Variants in ZC2HC1B observed in about 807,000 individuals in gnomAD.
ZC2HC1B encodes the protein zinc finger C2HC-type containing 1B, also known as zinc finger C2HC domain-containing protein 1B.
Under a neutral mutation model 31.0 loss-of-function variants are expected in ZC2HC1B, and 36 were observed. The observed-to-expected ratio is 1.16, with a 90% CI of 0.89 to 1.54. The LOEUF (loss-of-function observed/expected upper bound fraction) is 1.54. ZC2HC1B is among the 40% of genes most tolerant of loss of function. The probability of loss-of-function intolerance (pLI) is 0.00; values close to 1 mark genes in which losing one functional copy is unlikely to be tolerated. For synonymous variants in ZC2HC1B, 73 were observed against 88.0 expected (o/e 0.83, Z 0.95); for missense variants, 260 against 268.6 (o/e 0.97, Z 0.22).
chr6:143,866,378 T>C (rs895341230), intron 1 of ZC2HC1B, among the ~76,000 whole-genome samples: 2 of 152,226 alleles, frequency 1.3e-5, no homozygotes, highest in Non-Finnish European at 2.9e-5. Flanking sequence ...CGCTGTAGAG[T>C]TATCAATTTG....
intron 6 of ZC2HC1B, among the ~76,000 whole-genome samples, chr6:143,928,020 T>C (rs1778071938): frequency 1.3e-5 from 2 of 152,238 alleles, no homozygotes; most frequent in African/African-American, 4.8e-5. Context: ...AGATTCCAGA[T>C]ATTAGTCCCT....
rs970349719 is a variant in ZC2HC1B, at chr6:143,877,526, G to A, written c.29-6778G>A. ...TCAAACTACCAACCTCGGGTGATCC[G>A]CCCGCCTCTGCCTCCCAAAGTGCTG... On this transcript the variant is annotated intron_variant, in intron 1 of 7. Coordinates refer to ENST00000237275, the MANE Select transcript of ZC2HC1B (RefSeq NM_001013623.3). Among the ~76,000 whole-genome samples the A allele has an allele frequency of 1.4e-4, 21 of 149,408 alleles. 1 individual carries two copies. Among genetic ancestry groups the A allele is most frequent in the Admixed American group, 7.3e-4 (11 of 15,154 alleles).
intron 6 of ZC2HC1B, among the ~76,000 whole-genome samples, chr6:143,914,630 G>T (rs2128496317): frequency 6.6e-6 from 1 of 152,152 alleles, no homozygotes; most frequent in Admixed American, 6.6e-5. Context: ...TCTTTATCTG[G>T]TTGGTGTTGA....
Position 143,895,487 on chromosome 6 carries a change from T to A in ZC2HC1B, c.350-3065T>A, listed in dbSNP as rs183160965. 1.3e-5 allele frequency among the ~76,000 whole-genome samples: 2 copies of A among 152,326 alleles called. No individual in the cohort carries two copies. Among genetic ancestry groups the A allele is most frequent in the African/African-American group, 4.8e-5 (2 of 41,570 alleles). ...CAGTACTAAAGAATTTATATACATA[T>A]AACTAGAGTTATATATAACATGGCC... On this transcript the variant is annotated intron_variant, in intron 4 of 7. Coordinates refer to ENST00000237275, the MANE Select transcript of ZC2HC1B (RefSeq NM_001013623.3). The surrounding 1 kb of genome is among the most constrained non-coding windows in gnomAD (Gnocchi z 4.8).
chr6:143,892,055 T>C (rs1777608116), intron 4 of ZC2HC1B, among the ~76,000 whole-genome samples: 1 of 152,202 alleles, frequency 6.6e-6, no homozygotes, highest in Non-Finnish European at 1.5e-5. Context: ...TCTTATACCA[T>C]TGTCTTAATC....
At chr6:143,875,489 A>G (rs1177045833) in intron 1 of ZC2HC1B, among the ~76,000 whole-genome samples, 1 of 150,746 alleles carries the variant, frequency 6.6e-6, no homozygotes, top group Non-Finnish European at 1.5e-5. Context: ...CTGAGCTGCA[A>G]CAGTAAATGC....
At chr6:143,876,714 GC>G (rs1777411920) in intron 1 of ZC2HC1B, among the ~76,000 whole-genome samples, 1 of 150,642 alleles carries the variant, frequency 6.6e-6, no homozygotes, top group African/African-American at 2.5e-5. Flanking sequence ...AAGCTGAGGA[GC>G]AAGGAGAGCC....
In ZC2HC1B at chr6:143,865,337, C is replaced by T. The variant is rs1199817315; in HGVS notation, c.28+770C>T. 3.9e-5 allele frequency among the ~76,000 whole-genome samples: 6 copies of T among 152,176 alleles called. No individual in the cohort carries two copies. The highest frequency in any genetic ancestry group is 7.3e-5 in the Non-Finnish European group (5 of 68,034). ...AGCGAAATGTAACTGGCAATACTATCGTGGTAAGTACCACTTGTAATTAGA... is the reference window on the plus strand; with the variant it reads ...AGCGAAATGTAACTGGCAATACTATTGTGGTAAGTACCACTTGTAATTAGA... On this transcript the variant is annotated intron_variant, in intron 1 of 7. Transcript: ENST00000237275. The surrounding 1 kb of genome is among the most constrained non-coding windows in gnomAD (Gnocchi z 4.4).
intron 6 of ZC2HC1B, among the ~76,000 whole-genome samples, chr6:143,907,873 T>C (rs1053009404): frequency 2.0e-5 from 3 of 152,226 alleles, no homozygotes; most frequent in Non-Finnish European, 4.4e-5. Context: ...CTGAATGGTA[T>C]TGCCTAGATT....
intron 6 of ZC2HC1B, among the ~76,000 whole-genome samples, chr6:143,932,039 A>G (rs1266716316): frequency 6.6e-6 from 1 of 151,716 alleles, no homozygotes; most frequent in Non-Finnish European, 1.5e-5. Context: ...ACACCCAGCT[A>G]ATTTTTAGTA....
At chr6:143,892,198 G>A (rs1777609396) in intron 4 of ZC2HC1B, among the ~76,000 whole-genome samples, 1 of 152,068 alleles carries the variant, frequency 6.6e-6, no homozygotes. Flanking sequence ...ATCTCAGGAA[G>A]TCTCCAATCA....
At chr6:143,910,468 A>C (rs749149833) in intron 6 of ZC2HC1B, among the ~76,000 whole-genome samples, 1 of 152,198 alleles carries the variant, frequency 6.6e-6, no homozygotes, top group Non-Finnish European at 1.5e-5. Flanking sequence ...AGTTCTTTAG[A>C]TATCTATCAG....
Position 143,913,775 on chromosome 6 carries a change from TTGGCTGGGGGTGGG to T in ZC2HC1B, c.598+10626_598+10639del, listed in dbSNP as rs1777887950. Among the ~76,000 whole-genome samples the T allele has an allele frequency of 6.6e-6, 1 of 152,194 alleles. No individual in the cohort carries two copies. The highest frequency in any genetic ancestry group is 2.4e-5 in the African/African-American group (1 of 41,452). On this transcript the variant is annotated intron_variant, in intron 6 of 7. Transcript: ENST00000237275. The surrounding 1 kb of genome is among the most constrained non-coding windows in gnomAD (Gnocchi z 5.7). ...GTCACATAGTCACTAATTGCTTCCC[TTGGCTGGGGGTGGG>T]TGTTTCCTTGGCTCCATGTCACTCC...
intron 6 of ZC2HC1B, among the ~76,000 whole-genome samples, chr6:143,907,837 A>T (rs1777813991): frequency 6.6e-6 from 1 of 152,174 alleles, no homozygotes; most frequent in Non-Finnish European, 1.5e-5. Flanking sequence ...TGTCTTCATC[A>T]TGAAATCTTT....
chr6:143,936,296 G>A lies in ZC2HC1B; in HGVS notation c.599-1353G>A, dbSNP rs1020886493. 3.9e-5 allele frequency among the ~76,000 whole-genome samples: 6 copies of A among 152,140 alleles called. 1 individual carries two copies. Among genetic ancestry groups the A allele is most frequent in the Admixed American group, 3.3e-4 (5 of 15,278 alleles). On this transcript the variant is annotated intron_variant, in intron 6 of 7. Coordinates refer to ENST00000237275, the MANE Select transcript of ZC2HC1B (RefSeq NM_001013623.3). The stretch of plus-strand genomic sequence containing the variant: ...GAACTCATTTAATTCTCACAATAGC[G>A]TGAGGAGGTCGATGTACTATTCATA...
rs577587201 is a variant in ZC2HC1B, at chr6:143,873,552, T to C, written c.28+8985T>C. 3.3e-3 allele frequency among the ~76,000 whole-genome samples: 496 copies of C among 152,344 alleles called. 5 individuals carry two copies. Among genetic ancestry groups the C allele is most frequent in the African/African-American group, 0.011 (477 of 41,586 alleles). ...AGGACCCCACCCCTGCAGCAAACTT[T>C]TGCCTGAGAATCCAGGCGTTTCCAT... On this transcript the variant is annotated intron_variant, in intron 1 of 7. Transcript: ENST00000237275.
At chr6:143,896,111 G>A (rs919381457) in intron 4 of ZC2HC1B, among the ~76,000 whole-genome samples, 1 of 152,182 alleles carries the variant, frequency 6.6e-6, no homozygotes, top group South Asian at 2.1e-4. Context: ...CTCTGGTGGG[G>A]CCTTATGTTC....
In ZC2HC1B at chr6:143,875,826, G is replaced by T. The variant is rs371865235; in HGVS notation, c.29-8478G>T. 2.5e-4 allele frequency among the ~76,000 whole-genome samples: 37 copies of T among 150,510 alleles called. 2 individuals carry two copies. The highest frequency in any genetic ancestry group is 9.1e-4 in the African/African-American group (37 of 40,832). ...ATCACTGTTGCCTCAGGCAGCACAG[G>T]GTTTATCTCCTCAGACAAAGGTGGA... On this transcript the variant is annotated intron_variant, in intron 1 of 7. Coordinates refer to ENST00000237275, the MANE Select transcript of ZC2HC1B (RefSeq NM_001013623.3).
In ZC2HC1B at chr6:143,884,558, C is replaced by G. The variant is rs17614885; in HGVS notation, c.90+193C>G. ...TGATGCTGCCTCATTCAAGAGCGAC[C>G]CTATTAAACATGGTCCTCCTGAAAT... On this transcript the variant is annotated intron_variant, in intron 2 of 7. Transcript: ENST00000237275. The surrounding 1 kb of genome is among the most constrained non-coding windows in gnomAD (Gnocchi z 5.1). Among the ~76,000 whole-genome samples the G allele has an allele frequency of 0.031, 4,775 of 152,202 alleles. 118 individuals are homozygous for G. The highest frequency in any genetic ancestry group is 0.045 in the Non-Finnish European group (3,094 of 68,004).
Sources: gnomAD v4.1 joint callset for allele counts (sites outside exome capture counted in the v4.1 genomes callset) on GRCh38, gnomAD v4.1.1 for gene constraint, Gnocchi (gnomAD v3.1) non-coding constraint, MANE v1.5 for transcripts, NCBI Gene and HGNC (gene_info 2026-07-23, HGNC 2026-07-21) for gene names.